YIF1B: variants seen among roughly 807,000 people sequenced by gnomAD.
YIF1B encodes Yip1 interacting factor homolog B, membrane trafficking protein.
YIF1B carries 24 observed loss-of-function variants against 34.6 expected under a neutral mutation model. The ratio of observed to expected loss-of-function variants is 0.69; its 90% CI spans 0.50 to 0.98. YIF1B has a LOEUF of 0.98. YIF1B is among the 50% of genes least tolerant of loss of function. YIF1B has a pLI of 0.00. For missense variants in YIF1B, 368 were observed against 429.4 expected (o/e 0.86, Z 1.26); for synonymous variants, 186 against 184.8 (o/e 1.01, Z -0.05).
upstream of YIF1B, among the ~76,000 whole-genome samples, chr19:38,320,632 C>G (rs1234212298): frequency 6.6e-6 from 1 of 151,738 alleles, no homozygotes; most frequent in African/African-American, 2.4e-5. Flanking sequence ...GATCTCGGAT[C>G]ACGGCAGCCT....
upstream of YIF1B, chr19:38,316,060 C>T (rs544939183): frequency 1.5e-5 from 18 of 1,240,378 alleles, no homozygotes; most frequent in African/African-American, 6.4e-5. Context: ...TCCAGCCCCC[C>T]CCTTCACGGA....
chr19:38,320,762 T>C (rs974777352), upstream of YIF1B, among the ~76,000 whole-genome samples: 1 of 152,114 alleles, frequency 6.6e-6, no homozygotes, highest in Non-Finnish European at 1.5e-5. Flanking sequence ...TTTCACCATG[T>C]TGGCCAGGCT....
chr19:38,320,348 GC>G, upstream of YIF1B: 1 of 1,501,546 alleles, frequency 6.7e-7, no homozygotes, highest in Non-Finnish European at 9.1e-7. Context: ...GGACCCCGGG[GC>G]CCTCACGAAT....
rs1305574234 is a variant in YIF1B, at chr19:38,305,090, C to A, written c.*262G>T. On this transcript the variant is annotated 3_prime_UTR_variant, in exon 8 of 8. Transcript: ENST00000339413. The stretch of plus-strand genomic sequence containing the variant: ...AGCGCTGGGCCCGCCCATTCGTGCG[C>A]GAGGCCAAGGAGAGGCTGTCCACGC... 4 of 1,492,916 alleles carry A rather than the reference C, an allele frequency of 2.7e-6. No individual in the cohort carries two copies. In the African/African-American group the frequency reaches 5.6e-5, roughly 21 times the overall value. The allele number at this position is 1,492,916 out of a possible 1,614,324, so 92.5% of individuals were successfully genotyped here.
intron 5 of YIF1B, 144 bp downstream of exon 5, chr19:38,308,648 C>A (rs1170579452): frequency 6.4e-6 from 6 of 930,980 alleles, no homozygotes; most frequent in Non-Finnish European, 1.0e-5. Context: ...CTGACAGTGA[C>A]CCTGAGGGCT....
chr19:38,309,593 G>A lies in YIF1B; in HGVS notation c.109C>T (p.Gln37Ter). The change falls in exon 2 of 8, where the codon CAG becomes TAG. Residue 37 changes from glutamine (Q) to a stop codon, truncating the protein, a stop_gained. Coordinates refer to ENST00000339413, the MANE Select transcript of YIF1B (RefSeq NM_001039672.3). LOFTEE classifies it high-confidence loss of function. Reference sequence around the variant, plus strand: ...GCTGAACTTGTGTCATCGAAAAGCTGGTGGGGGTCGGCCATGCCCGGCTGG... The same window carrying A: ...GCTGAACTTGTGTCATCGAAAAGCTAGTGGGGGTCGGCCATGCCCGGCTGG... ...VSQPGMADPH[Q>*]LFDDTSSAQS... 6.3e-7 allele frequency: 1 copy of A among 1,598,576 alleles called. No homozygotes were observed. Among genetic ancestry groups the A allele is most frequent in the Non-Finnish European group, 8.5e-7 (1 of 1,173,090 alleles).
At chr19:38,309,200 C>G (rs1969201940) in intron 3 of YIF1B, 24 bp downstream of exon 3, 2 of 1,612,348 alleles carry the variant, frequency 1.2e-6, no homozygotes, top group African/African-American at 2.7e-5. Flanking sequence ...CACTGCAGAC[C>G]CACATTCCCC....
In YIF1B at chr19:38,307,749, G is replaced by A. The variant is rs143345887; in HGVS notation, c.543C>T (p.Phe181=). The A allele has an allele frequency of 6.5e-4, 1,040 of 1,611,944 alleles. No individual in the cohort carries two copies. The highest frequency in any genetic ancestry group is 8.0e-4 in the Non-Finnish European group (942 of 1,179,406). ...AGLALGTQDR[F]SPDLLGLQAS... ...CTTGCAGCCCCAGGAGGTCTGGGGA[G>A]AACCTGCAGGCACAAAGCCCCGCCA... is the stretch of plus-strand genomic sequence containing the variant. Residue 181 remains phenylalanine, a synonymous_variant, in exon 6 of 8, where the codon TTC becomes TTT. Coordinates refer to ENST00000339413, the MANE Select transcript of YIF1B (RefSeq NM_001039672.3).
Position 38,315,947 on chromosome 19 carries a change from C to A in YIF1B, c.-30G>T. On this transcript the variant is annotated 5_prime_UTR_variant, in exon 1 of 8. Transcript: ENST00000339413. ...CGCCGCCGCCACCTAAGCCGCGGTT[C>A]GGAGCGTGCCCGCCCGGCTCCCGTA... The A allele has an allele frequency of 7.1e-7, 1 of 1,412,312 alleles. No homozygotes were observed. The highest frequency in any genetic ancestry group is 9.2e-7 in the Non-Finnish European group (1 of 1,092,238). The allele number at this position is 1,412,312 out of a possible 1,614,324, so 87.5% of individuals were successfully genotyped here.
chr19:38,304,015 C>T lies in YIF1B; in HGVS notation c.*1337G>A. 1 of 585,696 alleles carries T rather than the reference C, an allele frequency of 1.7e-6. No homozygotes were observed. The highest frequency in any genetic ancestry group is 3.0e-6 in the Non-Finnish European group (1 of 330,860). 36.3% of individuals were successfully genotyped at this position (585,696 alleles called of 1,614,324 possible). On this transcript the variant is annotated 3_prime_UTR_variant, in exon 8 of 8. Coordinates refer to ENST00000339413, the MANE Select transcript of YIF1B (RefSeq NM_001039672.3). ...CTCCCCGAATGCCATCCACAGAGCC[C>T]CCCTCAGTCGGCCTCCCCTGAGGCA...
chr19:38,315,884 C>T lies in YIF1B; in HGVS notation c.34G>A (p.Gly12Arg), dbSNP rs978986846. The change falls in exon 1 of 8, where the codon GGG (glycine) becomes AGG (arginine). Residue 12 changes from glycine to arginine, a missense_variant. Around this residue, in one of 3 missense-constraint regions of YIF1B, gnomAD observed 153 missense variants for 156.7 expected, o/e 0.98. Transcript: ENST00000339413. ...HPAGLAAAAA[G>R]TPRLRKWPSK... ...CGCCACTTACGCAGCCGGGGCGTCC[C>T]CGCAGCCGCCGCCGCCAAGCCTGCC... The T allele has an allele frequency of 4.0e-6, 6 of 1,486,936 alleles. No homozygotes were observed. In the African/African-American group the frequency reaches 7.3e-5, roughly 18 times the overall value. 92.1% of individuals were successfully genotyped at this position (1,486,936 alleles called of 1,614,324 possible). A position where few individuals can be genotyped will look rare whatever the true frequency, so the allele number is the denominator to read the frequency against.
In YIF1B at chr19:38,304,684, A is replaced by T; in HGVS notation, c.*668T>A. On this transcript the variant is annotated 3_prime_UTR_variant, in exon 8 of 8. Coordinates refer to ENST00000339413, the MANE Select transcript of YIF1B (RefSeq NM_001039672.3). ...CTCCAGCGATTCGGACACGGATGTG[A>T]AGGTAAGGGGCTCTCGCCAGCGTCC... The T allele has an allele frequency of 1.9e-6, 3 of 1,613,614 alleles. No homozygotes were observed. Among genetic ancestry groups the T allele is most frequent in the Non-Finnish European group, 2.5e-6 (3 of 1,179,972 alleles).
At position 38,305,625 on chromosome 19, in the gene YIF1B, T is replaced by A. The variant is rs910078136; in HGVS notation, c.790-118A>T. ...GAAGCCCCAGGCAGCTGGGGACAAG[T>A]CCCTGGCCCTCTGCAGCCTCAGGTT... On this transcript the variant is annotated intron_variant, in intron 7 of 7. Coordinates refer to ENST00000339413, the MANE Select transcript of YIF1B (RefSeq NM_001039672.3). 3 of 1,359,840 alleles carry A rather than the reference T, an allele frequency of 2.2e-6. No homozygotes were observed. In the East Asian group the frequency reaches 7.7e-5, roughly 35 times the overall value. The allele number at this position is 1,359,840 out of a possible 1,614,324, so 84.2% of individuals were successfully genotyped here.
In YIF1B at chr19:38,305,323, A is replaced by G. The variant is rs1259232323; in HGVS notation, c.*29T>C. The G allele has an allele frequency of 6.3e-7, 1 of 1,590,334 alleles. No individual in the cohort carries two copies. Among genetic ancestry groups the G allele is most frequent in the Admixed American group, 1.7e-5 (1 of 59,174 alleles). ...GGCCACAGTGGCCCCCAGCAGCAGC[A>G]GCAGCAGCGGGAGGTTCAGCGGGCG... On this transcript the variant is annotated 3_prime_UTR_variant, in exon 8 of 8. Coordinates refer to ENST00000339413, the MANE Select transcript of YIF1B (RefSeq NM_001039672.3).
chr19:38,319,985 C>G (rs1428081139), upstream of YIF1B: 2 of 1,472,382 alleles, frequency 1.4e-6, no homozygotes, highest in Non-Finnish European at 8.9e-7. Context: ...GGCGCCTTGG[C>G]CGCGTACGCC....
At chr19:38,307,286 C>T (rs1234397766) in intron 7 of YIF1B, 142 bp downstream of exon 7, 6 of 885,252 alleles carry the variant, frequency 6.8e-6, no homozygotes, top group African/African-American at 1.7e-5. Context: ...CCTGACCCCC[C>T]AGGCCGGGCA....
rs1968974922 is a variant in YIF1B, at chr19:38,305,516, G to A, written c.790-9C>T. ...AGCCGCAGCGTCCGGATCTGGGTGG[G>A]AAAGAGAGAGAGGAACCAAGGGATT... On this transcript the variant is annotated splice_polypyrimidine_tract_variant and intron_variant, in intron 7 of 7. Coordinates refer to ENST00000339413, the MANE Select transcript of YIF1B (RefSeq NM_001039672.3). 1 of 1,594,210 alleles carries A rather than the reference G, an allele frequency of 6.3e-7. No homozygotes were observed.
At chr19:38,313,174 A>T (rs1245234784) in intron 1 of YIF1B, among the ~76,000 whole-genome samples, 1 of 150,786 alleles carries the variant, frequency 6.6e-6, no homozygotes, top group East Asian at 1.9e-4. Flanking sequence ...CTGGTCTCGA[A>T]CTCCTGAGCT....
At chr19:38,305,546 C>T (rs765949970) in intron 7 of YIF1B, 39 bp from the exon 8 acceptor site, 47 of 1,571,874 alleles carry the variant, frequency 3.0e-5, no homozygotes, top group Non-Finnish European at 4.0e-5. Flanking sequence ...GGGATTTACC[C>T]TTGAGCCCTC....
Sources: allele counts gnomAD v4.1 joint callset (sites outside exome capture counted in the v4.1 genomes callset), GRCh38; gene constraint gnomAD v4.1.1; regional missense constraint gnomAD v4.1.1; transcripts MANE v1.5; gene names NCBI Gene and HGNC (gene_info 2026-07-23, HGNC 2026-07-21).